The following RORA variants were observed in gnomAD, a reference collection of about 807,000 sequenced individuals.
The protein encoded by RORA is RAR related orphan receptor A.
A neutral mutation model predicts 69.5 loss-of-function variants in RORA; 7 were observed. The observed-to-expected ratio is 0.10, with a 90% CI of 0.06 to 0.19. The LOEUF (loss-of-function observed/expected upper bound fraction) is 0.19, where lower values mean the gene tolerates loss of function less well. RORA is among the 10% of genes least tolerant of loss of function. The probability of loss-of-function intolerance (pLI) is 1.00; values close to 1 mark genes in which losing one functional copy is unlikely to be tolerated. For synonymous variants in RORA, 261 were observed against 240.8 expected (o/e 1.08, Z -0.78); for missense variants, 457 against 663.0 (o/e 0.69, Z 3.41).
intron 1 of RORA, among the ~76,000 whole-genome samples, chr15:61,184,627 C>T (rs547433009): frequency 7.9e-5 from 12 of 152,190 alleles, no homozygotes; most frequent in African/African-American, 2.9e-4. Context: ...TACTTCGCCC[C>T]CTAGGGGAGT....
intron 1 of RORA, among the ~76,000 whole-genome samples, chr15:60,784,827 G>T (rs1027503993): frequency 6.6e-5 from 10 of 152,156 alleles, no homozygotes; most frequent in African/African-American, 2.2e-4. Flanking sequence ...CCCTTCACCA[G>T]TATCCTAGCT....
rs151196081 is a variant in RORA at position 61,131,250 on chromosome 15, C to T, written c.166+97803G>A. ...ATGTCACTAACTCTCTAGGTGGCCTCATCCCACTTGTGATTCAGCAAAATG... is the reference window on the plus strand; with the variant it reads ...ATGTCACTAACTCTCTAGGTGGCCTTATCCCACTTGTGATTCAGCAAAATG... On this transcript the variant is annotated intron_variant, in intron 1 of 10. Transcript: ENST00000335670. The surrounding 1 kb of genome is among the most constrained non-coding windows in gnomAD (Gnocchi z 4.2). 6.5e-3 allele frequency among the ~76,000 whole-genome samples: 987 copies of T among 152,348 alleles called. 5 individuals carry two copies. Among genetic ancestry groups the T allele is most frequent in the Middle Eastern group, 0.014 (4 of 294 alleles).
rs781494576 is a variant in RORA at position 60,879,139 on chromosome 15, C to T, written c.167-200453G>A. Among the ~76,000 whole-genome samples the T allele has an allele frequency of 3.3e-4, 50 of 152,298 alleles. No individual in the cohort carries two copies. In the Middle Eastern group the frequency reaches 0.01, roughly 31 times the overall value. On this transcript the variant is annotated intron_variant, in intron 1 of 10. Transcript: ENST00000335670. ...ATCAACTGTTTCCATGTGTTAGAAG[C>T]ATACACTTCATCTCCACTAGCAGCA...
At chr15:60,628,095 T>C (rs1020097541) in intron 2 of RORA, among the ~76,000 whole-genome samples, 6 of 152,256 alleles carry the variant, frequency 3.9e-5, no homozygotes, top group Admixed American at 3.9e-4. Context: ...GTGTGTTTGT[T>C]ACAACTAAGG....
intron 1 of RORA, among the ~76,000 whole-genome samples, chr15:61,026,402 G>T (rs187734353): frequency 6.6e-6 from 1 of 152,134 alleles, no homozygotes; most frequent in Non-Finnish European, 1.5e-5. Context: ...AAATTACAAC[G>T]GTAGCCATTC....
intron 1 of RORA, among the ~76,000 whole-genome samples, chr15:60,823,736 G>A (rs2072923470): frequency 6.6e-6 from 1 of 151,692 alleles, no homozygotes; most frequent in Non-Finnish European, 1.5e-5. Flanking sequence ...ATTTTTTTTA[G>A]ACAAGTTACC....
At position 61,008,203 on chromosome 15, in the gene RORA, C is replaced by CTCTG. The variant is rs3222396; in HGVS notation, c.166+220849_166+220850insCAGA. On this transcript the variant is annotated intron_variant, in intron 1 of 10. Coordinates refer to ENST00000335670, the MANE Select transcript of RORA (RefSeq NM_134261.3). Reference sequence around the variant, plus strand: ...AAGAATTTCAAAATTCTCTCTCTCTCTGTGTGTGTGTGTGTGTGTGTGTGT... The same window carrying CTCTG: ...AAGAATTTCAAAATTCTCTCTCTCTCTCTGTGTGTGTGTGTGTGTGTGTGTGTGT... Among the ~76,000 whole-genome samples the CTCTG allele has an allele frequency of 1.0e-3, 137 of 135,130 alleles. 2 individuals carry two copies. The highest frequency in any genetic ancestry group is 3.6e-3 in the African/African-American group (130 of 35,676). The allele number at this position is 135,130 out of a possible 152,430, so 88.7% of individuals were successfully genotyped here. A position where few individuals can be genotyped will look rare whatever the true frequency, so the allele number is the denominator to read the frequency against.
At chr15:60,895,878 G>A (rs1212891187) in intron 1 of RORA, among the ~76,000 whole-genome samples, 1 of 152,126 alleles carries the variant, frequency 6.6e-6, no homozygotes, top group Admixed American at 6.5e-5. Context: ...ATTTTGTGAG[G>A]CAAGAGCTTA....
chr15:60,709,621 G>A (rs2140806595), intron 1 of RORA, among the ~76,000 whole-genome samples: 1 of 151,728 alleles, frequency 6.6e-6, no homozygotes, highest in East Asian at 1.9e-4. Flanking sequence ...AGGGATCTAG[G>A]TTGTGCGCTC....
At chr15:61,196,949 G>C (rs1222662139) in intron 1 of RORA, among the ~76,000 whole-genome samples, 1 of 152,156 alleles carries the variant, frequency 6.6e-6, no homozygotes, top group Admixed American at 6.5e-5. Context: ...TTGTCAGTCT[G>C]GGTAAATTTA....
Position 60,516,111 on chromosome 15 carries a change from TATTATATATATTATATTAA to T in RORA, c.283-1373_283-1355del, listed in dbSNP as rs2141352786. ...TATATTTATATATATTTATATATTATATTATATATATTATATTAAATATATTTATATATATTTATATATA... is the reference window on the plus strand; with the variant it reads ...TATATTTATATATATTTATATATTATATATATTTATATATATTTATATATA... On this transcript the variant is annotated intron_variant, in intron 3 of 10. Coordinates refer to ENST00000335670, the MANE Select transcript of RORA (RefSeq NM_134261.3). Among the ~76,000 whole-genome samples, 2 of 58,878 alleles carry T rather than the reference TATTATATATATTATATTAA, an allele frequency of 3.4e-5. 1 individual carries two copies. Among genetic ancestry groups the T allele is most frequent in the African/African-American group, 1.2e-4 (2 of 16,194 alleles). 38.6% of individuals were successfully genotyped at this position (58,878 alleles called of 152,430 possible).
At chr15:60,498,882 CAAAT>C (rs1397319855) in intron 10 of RORA, among the ~76,000 whole-genome samples, 1 of 147,876 alleles carries the variant, frequency 6.8e-6, no homozygotes, top group African/African-American at 2.5e-5. Context: ...AACAAGCAAA[CAAAT>C]AAACAAGAAA....
intron 1 of RORA, among the ~76,000 whole-genome samples, chr15:60,792,236 T>C (rs1027035101): frequency 6.6e-6 from 1 of 152,064 alleles, no homozygotes; most frequent in African/African-American, 2.4e-5. Context: ...GATGAATTAA[T>C]AGAAAGTATT....
intron 1 of RORA, among the ~76,000 whole-genome samples, chr15:61,182,126 C>T (rs1288054847): frequency 1.3e-5 from 2 of 152,080 alleles, no homozygotes; most frequent in African/African-American, 2.4e-5. Flanking sequence ...CTCAGTTTTC[C>T]TTATTAGAGG....
chr15:60,694,815 C>T (rs75068281), intron 1 of RORA, among the ~76,000 whole-genome samples: 1,942 of 152,270 alleles, frequency 0.013, 43 homozygotes, highest in African/African-American at 0.044. Flanking sequence ...ACTTTAGTTA[C>T]CTCTAATTTC....
chr15:60,594,707 G>A (rs2068628855), intron 2 of RORA, among the ~76,000 whole-genome samples: 1 of 152,218 alleles, frequency 6.6e-6, no homozygotes, highest in Non-Finnish European at 1.5e-5. Flanking sequence ...ATCTGCTCCT[G>A]CAGTTATAAG....
At chr15:60,856,747 G>A (rs11858268) in intron 1 of RORA, among the ~76,000 whole-genome samples, 40,763 of 152,066 alleles carry the variant, frequency 0.27, 5,688 homozygotes, top group Non-Finnish European at 0.29. Flanking sequence ...GACAGGGAAC[G>A]CTGCCTGAAT....
chr15:60,788,136 C>T (rs341459), intron 1 of RORA, among the ~76,000 whole-genome samples: 113,587 of 152,132 alleles, frequency 0.75, 42,676 homozygotes, highest in East Asian at 0.84. Flanking sequence ...ACATTTGAGC[C>T]GAGACAGGAA....
intron 1 of RORA, among the ~76,000 whole-genome samples, chr15:60,838,894 T>A (rs1461262377): frequency 1.0e-4 from 1 of 9,890 alleles, no homozygotes. Flanking sequence ...ACACATATAC[T>A]TTTTTTTTTT....
Sources: allele counts gnomAD v4.1 joint callset (sites outside exome capture counted in the v4.1 genomes callset), GRCh38; gene constraint gnomAD v4.1.1; non-coding constraint Gnocchi (gnomAD v3.1); transcripts MANE v1.5; gene names NCBI Gene and HGNC (gene_info 2026-07-23, HGNC 2026-07-21).